Variants in GPR82 observed in about 807,000 individuals in gnomAD.
GPR82 encodes G protein-coupled receptor 82, also known as probable G protein-coupled receptor 82.
A neutral mutation model predicts 12.9 loss-of-function variants in GPR82; 6 were observed. The observed-to-expected ratio is 0.46, with a 90% CI of 0.25 to 0.92. The LOEUF (loss-of-function observed/expected upper bound fraction) is 0.92. Ranked by LOEUF, GPR82 falls within the 40% of genes least tolerant of loss-of-function variation. The pLI, the probability that GPR82 is intolerant of heterozygous loss-of-function variation, is 0.16. For missense variants in GPR82, 241 were observed against 245.5 expected (o/e 0.98, Z 0.12); for synonymous variants, 90 against 87.6 (o/e 1.03, Z -0.15).
rs1305017209 is a variant in GPR82, at chrX:41,729,377, T to C, written c.*1340T>C. ...GCATTCTACTTATATGCTTTACATA[T>C]ATTATTTTAATCACCACAACTCTAA... On this transcript the variant is annotated 3_prime_UTR_variant, in exon 3 of 3. Coordinates refer to ENST00000302548, the MANE Select transcript of GPR82 (RefSeq NM_080817.5). 8.2e-6 allele frequency: 1 copy of C among 122,463 alleles called. No homozygotes were observed. The highest frequency in any genetic ancestry group is 3.3e-5 in the African/African-American group (1 of 30,474). The allele number at this position is 122,463 out of a possible 1,213,427, so 10.1% of individuals were successfully genotyped here.
rs1344199484 is a variant in GPR82 at position 41,728,807 on chromosome X, T to C, written c.*770T>C. On this transcript the variant is annotated 3_prime_UTR_variant, in exon 3 of 3. Coordinates refer to ENST00000302548, the MANE Select transcript of GPR82 (RefSeq NM_080817.5). ...ATAAGAAATATCCTCATTCACATCT[T>C]ACCTAAATGCATGAATAATACAGTG... The C allele has an allele frequency of 8.1e-6, 1 of 123,662 alleles. No homozygotes were observed. Among genetic ancestry groups the C allele is most frequent in the East Asian group, 2.8e-4 (1 of 3,634 alleles). 10.2% of individuals were successfully genotyped at this position (123,662 alleles called of 1,213,427 possible).
Position 41,727,608 on chromosome X carries a change from A to G in GPR82, c.582A>G (p.Leu194=). The G allele has an allele frequency of 8.3e-7, 1 of 1,209,199 alleles. No individual in the cohort carries two copies. The highest frequency in any genetic ancestry group is 2.3e-4 in the Middle Eastern group (1 of 4,348). ...ESLCYNRQME[L]GAMISQIAGL... is the part of the protein sequence containing the mutation. ...TATGCTACAATCGGCAGATGGAACT[A>G]GGAGCCATGATCTCTCAGATTGCAG... The change falls in exon 3 of 3, where the codon CTA becomes CTG. Residue 194 remains leucine, a synonymous_variant. Transcript: ENST00000302548.
At chrX:41,726,228 T>G (rs1012901613) in intron 1 of GPR82, among the ~76,000 whole-genome samples, 8 of 112,754 alleles carry the variant, frequency 7.1e-5, no homozygotes, top group Admixed American at 5.6e-4. Flanking sequence ...AGACTACAGG[T>G]GCAGAGCCAC....
intron 2 of GPR82, 68 bp downstream of exon 2, chrX:41,726,911 GT>G: frequency 2.6e-6 from 1 of 383,571 alleles, no homozygotes; most frequent in African/African-American, 2.6e-5. Context: ...TTAATTCAAT[GT>G]TTTTCTTTTT....
Position 41,727,024 on chromosome X carries a change from T to A in GPR82, c.-3T>A. On this transcript the variant is annotated 5_prime_UTR_variant, in exon 3 of 3. Coordinates refer to ENST00000302548, the MANE Select transcript of GPR82 (RefSeq NM_080817.5). The stretch of plus-strand genomic sequence containing the variant: ...TGACAAAATTCAAGAAAACCTGACA[T>A]AAATGAACAACAATACAACATGTAT... 1.8e-6 allele frequency: 2 copies of A among 1,083,156 alleles called. No homozygotes were observed. Among genetic ancestry groups the A allele is most frequent in the Admixed American group, 3.0e-5 (1 of 33,538 alleles). 89.3% of individuals were successfully genotyped at this position (1,083,156 alleles called of 1,213,427 possible).
In GPR82 at chrX:41,727,986, A is replaced by C. The variant is rs775581640; in HGVS notation, c.960A>C (p.Leu320=). 5.2e-6 allele frequency: 6 copies of C among 1,149,485 alleles called. No homozygotes were observed. The highest frequency in any genetic ancestry group is 7.1e-6 in the Non-Finnish European group (6 of 849,888). The allele number at this position is 1,149,485 out of a possible 1,213,427, so 94.7% of individuals were successfully genotyped here. A position where few individuals can be genotyped will look rare whatever the true frequency, so the allele number is the denominator to read the frequency against. ...LLLDKTFKKT[L]YNLFTKSNSA... ...TAGATAAAACATTCAAGAAGACACTATATAATCTCTTTACAAAGTCTAATT... is the reference window on the plus strand; with the variant it reads ...TAGATAAAACATTCAAGAAGACACTCTATAATCTCTTTACAAAGTCTAATT... The change falls in exon 3 of 3, where the codon CTA becomes CTC. Residue 320 remains leucine, a synonymous_variant. Transcript: ENST00000302548.
Position 41,728,969 on chromosome X carries a change from C to CT in GPR82, c.*935dup, listed in dbSNP as rs1360680055. 1 of 123,021 alleles carries CT rather than the reference C, an allele frequency of 8.1e-6. No individual in the cohort carries two copies. Among genetic ancestry groups the CT allele is most frequent in the Non-Finnish European group, 1.9e-5 (1 of 53,178 alleles). The allele number at this position is 123,021 out of a possible 1,213,427, so 10.1% of individuals were successfully genotyped here. A position where few individuals can be genotyped will look rare whatever the true frequency, so the allele number is the denominator to read the frequency against. ...AAAATGCTTAAATATTTGGATTAGG[C>CT]TTTGTCAAAGTAAAAAGCTATGTCA... On this transcript the variant is annotated 3_prime_UTR_variant, in exon 3 of 3. Coordinates refer to ENST00000302548, the MANE Select transcript of GPR82 (RefSeq NM_080817.5).
In GPR82 at chrX:41,727,993, C is replaced by G; in HGVS notation, c.967C>G (p.Leu323Val). 8.7e-7 allele frequency: 1 copy of G among 1,148,162 alleles called. No homozygotes were observed. Among genetic ancestry groups the G allele is most frequent in the Non-Finnish European group, 1.2e-6 (1 of 848,860 alleles). 94.6% of individuals were successfully genotyped at this position (1,148,162 alleles called of 1,213,427 possible). ...AACATTCAAGAAGACACTATATAAT[C>G]TCTTTACAAAGTCTAATTCAGCACA... ...DKTFKKTLYN[L>V]FTKSNSAHMQ... Residue 323 changes from leucine to valine, a missense_variant, in exon 3 of 3, where the codon CTC becomes GTC. Transcript: ENST00000302548.
chrX:41,727,418 C>G lies in GPR82; in HGVS notation c.392C>G (p.Thr131Ser), dbSNP rs775680752. The G allele has an allele frequency of 2.0e-5, 24 of 1,209,661 alleles. No homozygotes were observed. Among genetic ancestry groups the G allele is most frequent in the Non-Finnish European group, 2.6e-5 (23 of 894,561 alleles). ...LMQKDSSQET[T>S]SCYEKIFYGH... ...CAAAAGGATTCCTCGCAAGAGACTA[C>G]TTCATGCTATGAGAAAATATTTTAT... Residue 131 changes from threonine to serine, a missense_variant, in exon 3 of 3, where the codon ACT becomes AGT. Physicochemically the swap from Thr to Ser is moderately conservative, Grantham distance 58. Transcript: ENST00000302548.
rs1207169231 is a variant in GPR82, at chrX:41,728,183, T to C, written c.*146T>C. On this transcript the variant is annotated 3_prime_UTR_variant, in exon 3 of 3. Coordinates refer to ENST00000302548, the MANE Select transcript of GPR82 (RefSeq NM_080817.5). The stretch of plus-strand genomic sequence containing the variant: ...TGGTTTTTAAAAATAAATAAACATA[T>C]ATTCATAAAACTCAAAAAACAGTTA... The C allele has an allele frequency of 2.7e-6, 1 of 365,376 alleles. No homozygotes were observed. Among genetic ancestry groups the C allele is most frequent in the Non-Finnish European group, 4.7e-6 (1 of 211,315 alleles). 30.1% of individuals were successfully genotyped at this position (365,376 alleles called of 1,213,427 possible).
Position 41,728,800 on chromosome X carries a change from C to G in GPR82, c.*763C>G, listed in dbSNP as rs2068314579. 8.1e-6 allele frequency: 1 copy of G among 123,187 alleles called. No individual in the cohort carries two copies. Among genetic ancestry groups the G allele is most frequent in the African/African-American group, 3.2e-5 (1 of 30,802 alleles). 10.2% of individuals were successfully genotyped at this position (123,187 alleles called of 1,213,427 possible). A position where few individuals can be genotyped will look rare whatever the true frequency, so the allele number is the denominator to read the frequency against. ...AAAATAAATAAGAAATATCCTCATT[C>G]ACATCTTACCTAAATGCATGAATAA... On this transcript the variant is annotated 3_prime_UTR_variant, in exon 3 of 3. Coordinates refer to ENST00000302548, the MANE Select transcript of GPR82 (RefSeq NM_080817.5).
At chrX:41,724,678 A>G (rs1383068054) in intron 1 of GPR82, among the ~76,000 whole-genome samples, 1 of 112,001 alleles carries the variant, frequency 8.9e-6, no homozygotes, top group Non-Finnish European at 1.9e-5. Context: ...CATAGTAGAT[A>G]CAAGTTTGGG....
rs1229526685 is a variant in GPR82 at position 41,727,225 on chromosome X, G to A, written c.199G>A (p.Ala67Thr). ...GACTGCAAACTTACTTGTGTGCAGT[G>A]CCATGCCTTTCATGAGTATCTATTT... ...LVTANLLVCS[A>T]MPFMSIYFLK... The change falls in exon 3 of 3, where the codon GCC becomes ACC. Residue 67 changes from alanine to threonine, a missense_variant. By Grantham distance (58) the Ala-to-Thr change is moderately conservative. Transcript: ENST00000302548. 4 of 1,201,157 alleles carry A rather than the reference G, an allele frequency of 3.3e-6. No individual in the cohort carries two copies. In the African/African-American group the frequency reaches 7.0e-5, roughly 21 times the overall value.
intron 1 of GPR82, among the ~76,000 whole-genome samples, chrX:41,726,108 C>T (rs2068255726): frequency 2.7e-5 from 3 of 111,842 alleles, no homozygotes; most frequent in Admixed American, 1.9e-4. Context: ...CCAACATACC[C>T]GGTCTAGTTT....
rs1225464272 is a variant in GPR82 at position 41,728,967 on chromosome X, G to A, written c.*930G>A. On this transcript the variant is annotated 3_prime_UTR_variant, in exon 3 of 3. Transcript: ENST00000302548. ...TAAAAATGCTTAAATATTTGGATTA[G>A]GCTTTGTCAAAGTAAAAAGCTATGT... is the stretch of plus-strand genomic sequence containing the variant. 2.4e-5 allele frequency: 3 copies of A among 122,982 alleles called. No individual in the cohort carries two copies. In the East Asian group the frequency reaches 8.4e-4, roughly 34 times the overall value. The allele number at this position is 122,982 out of a possible 1,213,427, so 10.1% of individuals were successfully genotyped here.
At chrX:41,724,526 T>C (rs1015595216) in intron 1 of GPR82, among the ~76,000 whole-genome samples, 5 of 112,354 alleles carry the variant, frequency 4.5e-5, no homozygotes, top group African/African-American at 1.6e-4. Flanking sequence ...GAGGGGAATA[T>C]AGACTTAGAG....
chrX:41,727,692 C>T lies in GPR82; in HGVS notation c.666C>T (p.Tyr222=). 1 of 1,201,569 alleles carries T rather than the reference C, an allele frequency of 8.3e-7. No individual in the cohort carries two copies. Among genetic ancestry groups the T allele is most frequent in the Non-Finnish European group, 1.1e-6 (1 of 886,342 alleles). ...FSFLVVLTSY[Y]SFVSHLRKIR... Reference sequence around the variant, plus strand: ...TTTTAGTAGTACTAACATCATACTACTCTTTTGTAAGCCATCTGAGAAAAA... The same window carrying T: ...TTTTAGTAGTACTAACATCATACTATTCTTTTGTAAGCCATCTGAGAAAAA... The change falls in exon 3 of 3, where the codon TAC becomes TAT. Residue 222 remains tyrosine, a synonymous_variant. Transcript: ENST00000302548.
At position 41,729,201 on chromosome X, in the gene GPR82, G is replaced by C. The variant is rs764662768; in HGVS notation, c.*1164G>C. On this transcript the variant is annotated 3_prime_UTR_variant, in exon 3 of 3. Coordinates refer to ENST00000302548, the MANE Select transcript of GPR82 (RefSeq NM_080817.5). ...TCTGGCTCTACTTTTTATTTAGCTG[G>C]ACAATCTTAGGCAAATTAACTTATC... 2 of 122,935 alleles carry C rather than the reference G, an allele frequency of 1.6e-5. No homozygotes were observed. The highest frequency in any genetic ancestry group is 7.5e-4 in the South Asian group (2 of 2,679). The allele number at this position is 122,935 out of a possible 1,213,427, so 10.1% of individuals were successfully genotyped here. A position where few individuals can be genotyped will look rare whatever the true frequency, so the allele number is the denominator to read the frequency against.
At position 41,728,337 on chromosome X, in the gene GPR82, G is replaced by A. The variant is rs1181803147; in HGVS notation, c.*300G>A. ...CTGTCAGTGCTTCTGTTCAGAACACGTTATTTCATGACTAGGATAAAGAAG... is the reference window on the plus strand; with the variant it reads ...CTGTCAGTGCTTCTGTTCAGAACACATTATTTCATGACTAGGATAAAGAAG... On this transcript the variant is annotated 3_prime_UTR_variant, in exon 3 of 3. Transcript: ENST00000302548. 8 of 177,950 alleles carry A rather than the reference G, an allele frequency of 4.5e-5. No individual in the cohort carries two copies. Among genetic ancestry groups the A allele is most frequent in the Non-Finnish European group, 8.9e-5 (8 of 89,804 alleles). 14.7% of individuals were successfully genotyped at this position (177,950 alleles called of 1,213,427 possible). A position where few individuals can be genotyped will look rare whatever the true frequency, so the allele number is the denominator to read the frequency against.
Sources: allele counts gnomAD v4.1 joint callset (sites outside exome capture counted in the v4.1 genomes callset), GRCh38; gene constraint gnomAD v4.1.1; transcripts MANE v1.5; gene names NCBI Gene and HGNC (gene_info 2026-07-23, HGNC 2026-07-21).